PASD1: variants seen among roughly 807,000 people sequenced by gnomAD.
PASD1 encodes the protein circadian clock protein PASD1.
PASD1 carries 13 observed loss-of-function variants against 58.8 expected under a neutral mutation model. That is an observed-to-expected ratio of 0.22 (90% CI 0.14 to 0.35). The LOEUF (loss-of-function observed/expected upper bound fraction) is 0.35, where lower values mean the gene tolerates loss of function less well. Ranked by LOEUF, PASD1 falls within the 10% of genes least tolerant of loss-of-function variation. The pLI is 1.00. For missense variants in PASD1, 734 were observed against 568.3 expected, an observed-to-expected ratio of 1.29 and a Z score of -2.96; for synonymous variants, 236 against 216.7, an observed-to-expected ratio of 1.09 and a Z score of -0.78.
chrX:151,586,814 T>C (rs1441169982), intron 1 of PASD1, among the ~76,000 whole-genome samples: 1 of 111,531 alleles, frequency 9.0e-6, no homozygotes, highest in East Asian at 2.8e-4. Flanking sequence ...TCTAGTTCGG[T>C]ATTGATTACT....
At chrX:151,665,040 G>A (rs983884903) in intron 11 of PASD1, among the ~76,000 whole-genome samples, 8 of 111,990 alleles carry the variant, frequency 7.1e-5, no homozygotes, top group Non-Finnish European at 1.1e-4. Context: ...AATTGTGTGC[G>A]TTCATCACTG....
chrX:151,671,099 A>G lies in PASD1; in HGVS notation c.1133A>G (p.Lys378Arg), dbSNP rs1304180763. Residue 378 changes from lysine to arginine, a missense_variant, in exon 12 of 16, where the codon AAG (lysine) becomes AGG (arginine). Transcript: ENST00000370357. ...ATTAGCCAGGAACTGGAACTGATGA[A>G]GAAGTTGAAGGAGCAGCTAGAAGAG... ...DIISQELELM[K>R]KLKEQLEERT... is the part of the protein sequence containing the mutation. 4 of 1,210,092 alleles carry G rather than the reference A, an allele frequency of 3.3e-6. No individual in the cohort carries two copies. Among genetic ancestry groups the G allele is most frequent in the Middle Eastern group, 2.3e-4 (1 of 4,375 alleles).
intron 9 of PASD1, among the ~76,000 whole-genome samples, chrX:151,651,532 C>T (rs1427785339): frequency 8.9e-6 from 1 of 111,876 alleles, no homozygotes; most frequent in South Asian, 3.8e-4. Flanking sequence ...GAGCTGATTA[C>T]TTGCAAATGA....
intron 3 of PASD1, among the ~76,000 whole-genome samples, chrX:151,606,597 C>G (rs2013492153): frequency 9.0e-6 from 1 of 110,918 alleles, no homozygotes; most frequent in Non-Finnish European, 1.9e-5. Context: ...CCTTTTACTG[C>G]AGGAAAGAGG....
At position 151,664,113 on chromosome X, in the gene PASD1, C is replaced by G; in HGVS notation, c.842-6C>G. On this transcript the variant is annotated splice_polypyrimidine_tract_variant and splice_region_variant and intron_variant, in intron 10 of 15. Transcript: ENST00000370357. ...GTCATGAACTCCCCTGTGCTTTCTT[C>G]CTCAGCCTTATCCTTGCAAGACTTT... 2 of 1,211,433 alleles carry G rather than the reference C, an allele frequency of 1.7e-6. No individual in the cohort carries two copies. Among genetic ancestry groups the G allele is most frequent in the Non-Finnish European group, 1.1e-6 (1 of 895,436 alleles).
At chrX:151,670,783 A>G (rs1840748694) in intron 11 of PASD1, among the ~76,000 whole-genome samples, 1 of 112,124 alleles carries the variant, frequency 8.9e-6, no homozygotes, top group Admixed American at 9.5e-5. Flanking sequence ...ATGTTGCTTC[A>G]TGTCTCTGGG....
In PASD1 at chrX:151,611,658, CA is replaced by C. The variant is rs755853451; in HGVS notation, c.118-5del. ...TTTAATTACATTATTATTCTCTCGT[CA>C]TTAGTTATTAGATGGCTTTATGATT... On this transcript the variant is annotated splice_polypyrimidine_tract_variant and splice_region_variant and intron_variant, in intron 3 of 15. Transcript: ENST00000370357. 1.7e-6 allele frequency: 2 copies of C among 1,149,909 alleles called. No homozygotes were observed. Among genetic ancestry groups the C allele is most frequent in the South Asian group, 3.9e-5 (2 of 51,225 alleles). 94.8% of individuals were successfully genotyped at this position (1,149,909 alleles called of 1,213,427 possible).
At chrX:151,661,590 C>A (rs1478677049) in intron 10 of PASD1, among the ~76,000 whole-genome samples, 2 of 112,485 alleles carry the variant, frequency 1.8e-5, no homozygotes, top group Admixed American at 9.4e-5. Context: ...GCTGGCAAAA[C>A]TAAGAAGTTA....
chrX:151,621,746 A>C (rs1238608331), intron 6 of PASD1, among the ~76,000 whole-genome samples, 154 bp downstream of exon 6: 3 of 104,347 alleles, frequency 2.9e-5, no homozygotes, highest in African/African-American at 1.1e-4. Flanking sequence ...ACTTTTAAAA[A>C]TTAACAGTGA....
intron 1 of PASD1, among the ~76,000 whole-genome samples, chrX:151,583,814 T>C (rs2013129354): frequency 8.9e-6 from 1 of 111,955 alleles, no homozygotes; most frequent in South Asian, 3.7e-4. Context: ...ATAAATGCAG[T>C]ACTTCAGCTT....
intron 4 of PASD1, among the ~76,000 whole-genome samples, chrX:151,618,376 G>A (rs1017912033): frequency 4.5e-5 from 5 of 112,114 alleles, no homozygotes; most frequent in African/African-American, 1.6e-4. Flanking sequence ...CAGCTACAAG[G>A]AATACTTTAT....
intron 6 of PASD1, among the ~76,000 whole-genome samples, chrX:151,622,225 C>G (rs2013721432): frequency 9.0e-6 from 1 of 110,752 alleles, no homozygotes; most frequent in Non-Finnish European, 1.9e-5. Context: ...TCAGAAACTG[C>G]AAGCTGAGAA....
At chrX:151,620,109 G>A (rs566425767) in intron 4 of PASD1, among the ~76,000 whole-genome samples, 2 of 111,774 alleles carry the variant, frequency 1.8e-5, no homozygotes, top group South Asian at 7.4e-4. Flanking sequence ...TGTAATATTT[G>A]TACATATGTA....
At chrX:151,633,295 A>G (rs1390745093) in intron 8 of PASD1, among the ~76,000 whole-genome samples, 1 of 111,215 alleles carries the variant, frequency 9.0e-6, no homozygotes, top group Non-Finnish European at 1.9e-5. Context: ...ACATACAGCC[A>G]GATGACTCTG....
intron 7 of PASD1, among the ~76,000 whole-genome samples, chrX:151,624,218 A>G (rs1454068612): frequency 9.0e-6 from 1 of 111,334 alleles, no homozygotes; most frequent in African/African-American, 3.3e-5. Flanking sequence ...CTGATGAGTT[A>G]GAAGTGTCTA....
At chrX:151,615,898 G>A (rs2013631616) in intron 4 of PASD1, among the ~76,000 whole-genome samples, 1 of 112,289 alleles carries the variant, frequency 8.9e-6, no homozygotes, top group Admixed American at 9.4e-5. Context: ...AACGTGATTG[G>A]CTAAGGCCCA....
At chrX:151,640,089 A>G (rs1270978951) in intron 8 of PASD1, among the ~76,000 whole-genome samples, 3 of 111,968 alleles carry the variant, frequency 2.7e-5, no homozygotes, top group Non-Finnish European at 5.6e-5. Context: ...ACCATATACC[A>G]TGTTACCTTA....
intron 8 of PASD1, among the ~76,000 whole-genome samples, chrX:151,640,091 G>A (rs776472036): frequency 8.9e-6 from 1 of 112,021 alleles, no homozygotes; most frequent in South Asian, 3.8e-4. Flanking sequence ...CATATACCAT[G>A]TTACCTTAGA....
chrX:151,638,784 CT>C (rs1306861773), intron 8 of PASD1, among the ~76,000 whole-genome samples: 3 of 110,261 alleles, frequency 2.7e-5, no homozygotes, highest in African/African-American at 3.3e-5. Flanking sequence ...ACCACATAAA[CT>C]TTTTTTTTCC....
Sources: gnomAD v4.1 joint callset for allele counts (sites outside exome capture counted in the v4.1 genomes callset) on GRCh38, gnomAD v4.1.1 for gene constraint, MANE v1.5 for transcripts, NCBI Gene and HGNC (gene_info 2026-07-23, HGNC 2026-07-21) for gene names.